BICRAL: variants seen among roughly 807,000 people sequenced by gnomAD.
BICRAL encodes BICRA like chromatin remodeling complex associated protein.
In BICRAL, 8 loss-of-function variants were observed where a neutral mutation model predicts 91.8. The observed-to-expected ratio is 0.09, with a 90% CI of 0.05 to 0.16. The LOEUF is 0.16. Among genes scored for constraint, BICRAL ranks in the 10% least tolerant of loss-of-function variants. The pLI, the probability that BICRAL is intolerant of heterozygous loss-of-function variation, is 1.00. For synonymous variants in BICRAL, 445 were observed against 491.1 expected (o/e 0.91, Z 1.24); for missense variants, 1,038 against 1,310.9 (o/e 0.79, Z 3.21).
At chr6:42,797,977 AAAAT>A (rs894737312) in intron 1 of BICRAL, among the ~76,000 whole-genome samples, 24 of 152,216 alleles carry the variant, frequency 1.6e-4, no homozygotes, top group African/African-American at 5.8e-4. Context: ...CAATGTCTCA[AAAAT>A]AAATAAATAA....
At chr6:42,856,176 G>C (rs1026133725) in intron 9 of BICRAL, among the ~76,000 whole-genome samples, 1 of 151,670 alleles carries the variant, frequency 6.6e-6, no homozygotes, top group Non-Finnish European at 1.5e-5. Context: ...AATTAGCCAG[G>C]CGTGGTGGTA....
At chr6:42,810,559 C>T (rs77280590) in intron 2 of BICRAL, among the ~76,000 whole-genome samples, 158 bp downstream of exon 2, 4,055 of 152,286 alleles carry the variant, frequency 0.027, 183 homozygotes, top group African/African-American at 0.093. Flanking sequence ...ACATCCTTAT[C>T]GACATGAATC....
intron 2 of BICRAL, among the ~76,000 whole-genome samples, chr6:42,817,967 TAAAAAA>T (rs11396430): frequency 1.9e-5 from 2 of 107,254 alleles, no homozygotes; most frequent in African/African-American, 7.0e-5. Context: ...ACCCTATCTC[TAAAAAA>T]AAAAAAAAAA....
chr6:42,758,765 G>T (rs1414133281), intron 1 of BICRAL, among the ~76,000 whole-genome samples: 1 of 152,000 alleles, frequency 6.6e-6, no homozygotes, highest in Non-Finnish European at 1.5e-5. Context: ...CAGGTGAAGG[G>T]TGAAAGCAGA....
At chr6:42,854,936 A>C (rs1765300815) in intron 8 of BICRAL, among the ~76,000 whole-genome samples, 1 of 152,178 alleles carries the variant, frequency 6.6e-6, no homozygotes, top group Non-Finnish European at 1.5e-5. Flanking sequence ...CTACTAGTCT[A>C]AAATGGAAGG....
intron 2 of BICRAL, among the ~76,000 whole-genome samples, chr6:42,818,265 TTA>T (rs1764051697): frequency 6.6e-6 from 1 of 152,212 alleles, no homozygotes; most frequent in Admixed American, 6.6e-5. Context: ...GTTGATTATT[TTA>T]TATGCTTAGG....
At chr6:42,797,419 G>A (rs1165075717) in intron 1 of BICRAL, among the ~76,000 whole-genome samples, 1 of 151,988 alleles carries the variant, frequency 6.6e-6, no homozygotes, top group Non-Finnish European at 1.5e-5. Context: ...CAAGCAAGGA[G>A]TGATTTGACT....
At chr6:42,812,635 A>C (rs1763872619) in intron 2 of BICRAL, among the ~76,000 whole-genome samples, 1 of 152,184 alleles carries the variant, frequency 6.6e-6, no homozygotes, top group Non-Finnish European at 1.5e-5. Flanking sequence ...ATAAAAGCGC[A>C]CTGGATGGGA....
intron 6 of BICRAL, among the ~76,000 whole-genome samples, chr6:42,837,621 A>G (rs570380651): frequency 1.6e-3 from 239 of 151,912 alleles, no homozygotes; most frequent in Admixed American, 3.2e-3. Flanking sequence ...ATGTGGTGGC[A>G]GGCGCCTGTA....
intron 1 of BICRAL, among the ~76,000 whole-genome samples, chr6:42,804,595 A>G (rs112275315): frequency 3.5e-4 from 54 of 152,306 alleles, no homozygotes; most frequent in African/African-American, 1.3e-3. Context: ...TAAAAGGAAC[A>G]TGCAAAGTCA....
At chr6:42,846,177 C>T (rs187575692) in intron 6 of BICRAL, among the ~76,000 whole-genome samples, 5 of 151,428 alleles carry the variant, frequency 3.3e-5, no homozygotes, top group African/African-American at 9.7e-5. Context: ...GAGGTCGAGA[C>T]GAGCCTGACC....
chr6:42,785,927 T>G (rs1304321693), intron 1 of BICRAL, among the ~76,000 whole-genome samples: 1 of 152,176 alleles, frequency 6.6e-6, no homozygotes, highest in African/African-American at 2.4e-5. Context: ...GGTGGGCACA[T>G]GCCTGTAATC....
At chr6:42,746,915 G>C (rs1263210125), upstream of BICRAL, 1 of 145,682 alleles carries the variant, frequency 6.9e-6, no homozygotes, top group African/African-American at 2.5e-5. Context: ...TCGGAGGGGT[G>C]GGGGCGGGGG....
intron 6 of BICRAL, among the ~76,000 whole-genome samples, chr6:42,841,742 C>G (rs750483068): frequency 1.3e-5 from 2 of 152,162 alleles, no homozygotes; most frequent in African/African-American, 4.8e-5. Context: ...ATATTACTAA[C>G]GAGGACAGTG....
intron 6 of BICRAL, among the ~76,000 whole-genome samples, chr6:42,833,239 TAG>T (rs1267951727): frequency 2.6e-5 from 4 of 151,532 alleles, no homozygotes; most frequent in Non-Finnish European, 5.9e-5. Flanking sequence ...GTATTTTTAG[TAG>T]AGACGGGGTT....
Position 42,867,143 on chromosome 6 carries a change from G to T in BICRAL, c.*1697G>T. Reference sequence around the variant, plus strand: ...GGATGACCCCCATTGTCATCATGTTGGGCATTTCTTTTCCAGATTGGCCTG... The same window carrying T: ...GGATGACCCCCATTGTCATCATGTTTGGCATTTCTTTTCCAGATTGGCCTG... On this transcript the variant is annotated 3_prime_UTR_variant, in exon 13 of 13. Transcript: ENST00000314073. The T allele has an allele frequency of 4.3e-6, 1 of 231,434 alleles. No homozygotes were observed. The highest frequency in any genetic ancestry group is 8.8e-6 in the Non-Finnish European group (1 of 113,948). The allele number at this position is 231,434 out of a possible 1,614,324, so 14.3% of individuals were successfully genotyped here. A position where few individuals can be genotyped will look rare whatever the true frequency, so the allele number is the denominator to read the frequency against.
rs755913179 is a variant in BICRAL, at chr6:42,867,537, A to T, written c.*2091A>T. The T allele has an allele frequency of 6.6e-6, 1 of 152,550 alleles. No individual in the cohort carries two copies. Among genetic ancestry groups the T allele is most frequent in the Non-Finnish European group, 1.5e-5 (1 of 68,032 alleles). 9.4% of individuals were successfully genotyped at this position (152,550 alleles called of 1,614,324 possible). A position where few individuals can be genotyped will look rare whatever the true frequency, so the allele number is the denominator to read the frequency against. ...CTTCCCTTGGGGCTCATGCTCCCCT[A>T]ATTCCTAGCAAGATGATCCTTCCTA... On this transcript the variant is annotated 3_prime_UTR_variant, in exon 13 of 13. Transcript: ENST00000314073.
chr6:42,780,883 C>T (rs1762889847), upstream of BICRAL, among the ~76,000 whole-genome samples: 1 of 151,970 alleles, frequency 6.6e-6, no homozygotes, highest in South Asian at 2.1e-4. Context: ...ATTACAGGAG[C>T]CCACCACCAC....
chr6:42,771,622 G>A (rs1218203136), intron 1 of BICRAL, among the ~76,000 whole-genome samples: 1 of 152,046 alleles, frequency 6.6e-6, no homozygotes, highest in Admixed American at 6.6e-5. Flanking sequence ...CTAGCAACCC[G>A]ACAAAATATT....
Sources: gnomAD v4.1 joint callset for allele counts (sites outside exome capture counted in the v4.1 genomes callset) on GRCh38, gnomAD v4.1.1 for gene constraint, MANE v1.5 for transcripts, NCBI Gene and HGNC (gene_info 2026-07-23, HGNC 2026-07-21) for gene names.